CADPS2: variants seen among roughly 807,000 people sequenced by gnomAD.
CADPS2 encodes calcium dependent secretion activator 2, also known as calcium-dependent secretion activator 2.
A neutral mutation model predicts 172.5 loss-of-function variants in CADPS2; 93 were observed. The ratio of observed to expected loss-of-function variants is 0.54; its 90% CI spans 0.46 to 0.64. CADPS2 has a LOEUF of 0.64. Ranked by LOEUF, CADPS2 falls within the 30% of genes least tolerant of loss-of-function variation. CADPS2 has a pLI of 0.00. For synonymous variants in CADPS2, 546 were observed against 555.2 expected (o/e 0.98, Z 0.23); for missense variants, 1,420 against 1,565.9 (o/e 0.91, Z 1.57).
intron 2 of CADPS2, among the ~76,000 whole-genome samples, chr7:122,668,607 A>G (rs1006791887): frequency 2.0e-5 from 3 of 152,168 alleles, no homozygotes; most frequent in Non-Finnish European, 2.9e-5. Flanking sequence ...CTCAGTCAAG[A>G]TAAGAGAGAT....
intron 8 of CADPS2, among the ~76,000 whole-genome samples, chr7:122,514,287 G>A (rs1280652955): frequency 6.6e-6 from 1 of 152,012 alleles, no homozygotes; most frequent in Admixed American, 6.6e-5. Context: ...GATTAACAGT[G>A]CAGAGGCTGT....
chr7:122,359,396 GT>G, intron 27 of CADPS2, among the ~76,000 whole-genome samples: 1 of 152,174 alleles, frequency 6.6e-6, no homozygotes, highest in South Asian at 2.1e-4. Context: ...TTAGAGAGGG[GT>G]TACTTGCACT....
At chr7:122,503,637 G>C (rs1290914141) in intron 9 of CADPS2, among the ~76,000 whole-genome samples, 1 of 152,128 alleles carries the variant, frequency 6.6e-6, no homozygotes, top group African/African-American at 2.4e-5. Flanking sequence ...AAAATAGTAA[G>C]TTACTGAATT....
intron 7 of CADPS2, among the ~76,000 whole-genome samples, chr7:122,564,049 G>A (rs2066090637): frequency 6.6e-6 from 1 of 151,892 alleles, no homozygotes; most frequent in Non-Finnish European, 1.5e-5. Flanking sequence ...TCCAAATTCT[G>A]AAAAAATAAA....
chr7:122,661,316 C>G (rs2080503623), intron 3 of CADPS2, among the ~76,000 whole-genome samples: 2 of 152,258 alleles, frequency 1.3e-5, no homozygotes, highest in South Asian at 4.1e-4. Context: ...ATCTGAATTG[C>G]AAGTAGGTTT....
intron 2 of CADPS2, among the ~76,000 whole-genome samples, chr7:122,674,180 G>A (rs1331858002): frequency 6.6e-6 from 1 of 152,094 alleles, no homozygotes; most frequent in Admixed American, 6.5e-5. Flanking sequence ...CAAGCGCCCC[G>A]CACAGCCCCG....
intron 1 of CADPS2, among the ~76,000 whole-genome samples, chr7:122,830,269 A>C (rs968383715): frequency 3.9e-5 from 6 of 152,192 alleles, no homozygotes; most frequent in African/African-American, 7.2e-5. Context: ...AGGCAAAATA[A>C]ATGTCAAATC....
At chr7:122,607,875 G>T (rs1233834375) in intron 6 of CADPS2, among the ~76,000 whole-genome samples, 2 of 152,088 alleles carry the variant, frequency 1.3e-5, no homozygotes, top group African/African-American at 4.8e-5. Flanking sequence ...GAAATGAGAG[G>T]AGAGAAAACT....
chr7:122,529,913 C>A (rs769966272), intron 8 of CADPS2, among the ~76,000 whole-genome samples: 1 of 152,036 alleles, frequency 6.6e-6, no homozygotes, highest in Non-Finnish European at 1.5e-5. Context: ...CCAAATAATT[C>A]TTTAACTCTT....
At chr7:122,806,609 T>C (rs1021708376) in intron 1 of CADPS2, among the ~76,000 whole-genome samples, 2 of 152,212 alleles carry the variant, frequency 1.3e-5, no homozygotes, top group African/African-American at 4.8e-5. Context: ...CTCTCACAGC[T>C]TAACATTAAT....
At chr7:122,752,831 A>G (rs535516593) in intron 1 of CADPS2, among the ~76,000 whole-genome samples, 2 of 152,344 alleles carry the variant, frequency 1.3e-5, no homozygotes, top group African/African-American at 4.8e-5. Flanking sequence ...AAAAAAGAAT[A>G]GGACGCATCA....
At chr7:122,704,694 T>C (rs2086707279) in intron 2 of CADPS2, among the ~76,000 whole-genome samples, 1 of 152,062 alleles carries the variant, frequency 6.6e-6, no homozygotes, top group Admixed American at 6.6e-5. Context: ...AAGGCAATGA[T>C]AGAACTGCCC....
chr7:122,393,375 T>C (rs2044644746), intron 21 of CADPS2, 60 bp from the exon 22 acceptor site: 5 of 1,613,184 alleles, frequency 3.1e-6, no homozygotes, highest in Non-Finnish European at 3.4e-6. Context: ...CAGATGGCCA[T>C]GTGTGAAGTC....
At chr7:122,883,866 C>T (rs934552463) in intron 1 of CADPS2, among the ~76,000 whole-genome samples, 1 of 151,960 alleles carries the variant, frequency 6.6e-6, no homozygotes, top group Non-Finnish European at 1.5e-5. Context: ...TTGTATTTTG[C>T]TTTTTTTGTA....
intron 9 of CADPS2, among the ~76,000 whole-genome samples, chr7:122,510,509 G>C (rs936637403): frequency 6.6e-6 from 1 of 152,074 alleles, no homozygotes; most frequent in Non-Finnish European, 1.5e-5. Context: ...TTTGCAGCTG[G>C]CCAAACCTTA....
chr7:122,566,144 A>G (rs1188919339), intron 7 of CADPS2, among the ~76,000 whole-genome samples: 1 of 152,190 alleles, frequency 6.6e-6, no homozygotes, highest in Admixed American at 6.6e-5. Flanking sequence ...TACTGCATAT[A>G]TGAAAGAAAT....
At chr7:122,496,193 G>A (rs1484111697) in intron 9 of CADPS2, among the ~76,000 whole-genome samples, 1 of 151,908 alleles carries the variant, frequency 6.6e-6, no homozygotes, top group East Asian at 1.9e-4. Context: ...ACAGAGTCTT[G>A]CTCTGTAGCC....
In CADPS2 at chr7:122,388,900, C is replaced by T. The variant is rs554955375; in HGVS notation, c.3009-162G>A. Among the ~76,000 whole-genome samples the T allele has an allele frequency of 2.8e-3, 423 of 151,998 alleles. 3 individuals carry two copies. The highest frequency in any genetic ancestry group is 0.01 in the Middle Eastern group (3 of 294). On this transcript the variant is annotated intron_variant, in intron 22 of 29. Coordinates refer to ENST00000449022, the MANE Select transcript of CADPS2 (RefSeq NM_017954.11). ...TTCTTTGTTCAGCCTTCTAATTGTT[C>T]CTCTACAATTCTTAATAAGGCAGGG...
intron 2 of CADPS2, among the ~76,000 whole-genome samples, chr7:122,700,361 C>T (rs549746311): frequency 6.6e-6 from 1 of 152,060 alleles, no homozygotes; most frequent in Non-Finnish European, 1.5e-5. Flanking sequence ...TATGGGCCAA[C>T]AAAAACTAGT....
Sources: gnomAD v4.1 joint callset for allele counts (sites outside exome capture counted in the v4.1 genomes callset) on GRCh38, gnomAD v4.1.1 for gene constraint, MANE v1.5 for transcripts, NCBI Gene and HGNC (gene_info 2026-07-23, HGNC 2026-07-21) for gene names.